The following AUTS2 variants were observed in gnomAD, a reference collection of about 807,000 sequenced individuals.
AUTS2 encodes activator of transcription and developmental regulator AUTS2, also known as autism susceptibility gene 2 protein.
A neutral mutation model predicts 112.4 loss-of-function variants in AUTS2; 17 were observed. The observed-to-expected ratio is 0.15, with a 90% CI of 0.10 to 0.23. The LOEUF (loss-of-function observed/expected upper bound fraction) is 0.23, where lower values mean the gene tolerates loss of function less well. Among genes scored for constraint, AUTS2 ranks in the 10% least tolerant of loss-of-function variants. The pLI is 1.00. For missense variants in AUTS2, 1,510 were observed against 1,701.6 expected, an observed-to-expected ratio of 0.89 and a Z score of 1.98; for synonymous variants, 751 against 702.7, an observed-to-expected ratio of 1.07 and a Z score of -1.09.
chr7:70,524,607 A>C (rs1799768587), intron 5 of AUTS2, among the ~76,000 whole-genome samples: 1 of 152,162 alleles, frequency 6.6e-6, no homozygotes, highest in African/African-American at 2.4e-5. Context: ...TCAGGGAAGT[A>C]CCTCTTGAGT....
At chr7:70,571,939 G>C (rs1021905375) in intron 5 of AUTS2, among the ~76,000 whole-genome samples, 1 of 152,278 alleles carries the variant, frequency 6.6e-6, no homozygotes, top group South Asian at 2.1e-4. Context: ...AGCAGCTTTG[G>C]GGTATTAATG....
intron 2 of AUTS2, among the ~76,000 whole-genome samples, chr7:70,058,696 T>G (rs573458434): frequency 6.6e-6 from 1 of 152,064 alleles, no homozygotes; most frequent in African/African-American, 2.4e-5. Context: ...CAAAATCTTA[T>G]GTCATACTTC....
chr7:70,484,415 G>C (rs537541533), intron 5 of AUTS2, among the ~76,000 whole-genome samples: 1 of 152,314 alleles, frequency 6.6e-6, no homozygotes, highest in South Asian at 2.1e-4. Context: ...GGATTTGTTT[G>C]GAAGAGCACG....
chr7:70,223,983 C>T (rs1035723479), intron 4 of AUTS2, among the ~76,000 whole-genome samples: 6 of 151,860 alleles, frequency 4.0e-5, no homozygotes, highest in Non-Finnish European at 7.4e-5. Flanking sequence ...CCCACATGCA[C>T]CACTGCACCT....
chr7:69,678,612 T>G (rs1042510218), intron 1 of AUTS2, among the ~76,000 whole-genome samples: 1 of 152,204 alleles, frequency 6.6e-6, no homozygotes, highest in Non-Finnish European at 1.5e-5. Context: ...AGAAACTCAA[T>G]TGTGGCCTTT....
chr7:70,269,815 G>A (rs985889559), intron 4 of AUTS2, among the ~76,000 whole-genome samples: 2 of 152,152 alleles, frequency 1.3e-5, no homozygotes, highest in Non-Finnish European at 2.9e-5. Flanking sequence ...TATTCTTAAT[G>A]TTTGAGCCCT....
At chr7:70,061,614 A>G (rs939035293) in intron 2 of AUTS2, among the ~76,000 whole-genome samples, 2 of 152,118 alleles carry the variant, frequency 1.3e-5, no homozygotes, top group African/African-American at 4.8e-5. Context: ...AACATAAATA[A>G]TAAAAGATAC....
intron 4 of AUTS2, among the ~76,000 whole-genome samples, chr7:70,190,675 G>A (rs1207771852): frequency 1.3e-5 from 2 of 152,112 alleles, no homozygotes; most frequent in African/African-American, 4.8e-5. Context: ...GGAGCCTCAG[G>A]TTGCCAATTG....
intron 4 of AUTS2, among the ~76,000 whole-genome samples, chr7:70,374,821 G>A (rs1002787726): frequency 1.3e-5 from 2 of 152,142 alleles, no homozygotes; most frequent in Non-Finnish European, 2.9e-5. Flanking sequence ...CTGGCTTTGA[G>A]GTCAGTGTGT....
intron 4 of AUTS2, among the ~76,000 whole-genome samples, chr7:70,350,208 T>A (rs1031723252): frequency 1.3e-5 from 2 of 152,214 alleles, no homozygotes; most frequent in Non-Finnish European, 2.9e-5. Context: ...AGTTTCATGG[T>A]CCTTGAAGAG....
intron 6 of AUTS2, among the ~76,000 whole-genome samples, chr7:70,741,503 C>G (rs967448671): frequency 6.6e-6 from 1 of 152,058 alleles, no homozygotes; most frequent in Admixed American, 6.5e-5. Flanking sequence ...ACCAGCTTGA[C>G]CAACATGGAG....
chr7:70,394,686 G>T (rs1794007316), intron 4 of AUTS2, among the ~76,000 whole-genome samples: 1 of 152,064 alleles, frequency 6.6e-6, no homozygotes, highest in Non-Finnish European at 1.5e-5. Flanking sequence ...GAGAGAGAGT[G>T]GGGGACAGTT....
intron 5 of AUTS2, among the ~76,000 whole-genome samples, chr7:70,583,154 T>A (rs1355855521): frequency 6.6e-6 from 1 of 152,212 alleles, no homozygotes; most frequent in Non-Finnish European, 1.5e-5. Context: ...TCCAGAAGTG[T>A]TTTACAGGAA....
chr7:70,498,923 G>A (rs1446075954), intron 5 of AUTS2, among the ~76,000 whole-genome samples: 1 of 152,228 alleles, frequency 6.6e-6, no homozygotes, highest in Non-Finnish European at 1.5e-5. Context: ...GCTCAGGGCA[G>A]TGAAGAGACG....
intron 4 of AUTS2, among the ~76,000 whole-genome samples, chr7:70,248,891 T>C (rs987375609): frequency 1.3e-5 from 2 of 152,218 alleles, no homozygotes; most frequent in Non-Finnish European, 2.9e-5. Context: ...GCAGATGATA[T>C]TGTTCAGAAT....
At chr7:70,007,250 C>G (rs1799585096) in intron 2 of AUTS2, among the ~76,000 whole-genome samples, 1 of 152,122 alleles carries the variant, frequency 6.6e-6, no homozygotes. Flanking sequence ...GGGAGCTTAG[C>G]CTTTCTGTCC....
chr7:70,228,179 A>G lies in AUTS2; in HGVS notation c.660+93608A>G, dbSNP rs1584904102. Among the ~76,000 whole-genome samples, 3 of 149,722 alleles carry G rather than the reference A, an allele frequency of 2.0e-5. No homozygotes were observed. In the East Asian group the frequency reaches 5.9e-4, roughly 29 times the overall value. On this transcript the variant is annotated intron_variant, in intron 4 of 18. Transcript: ENST00000342771. The stretch of plus-strand genomic sequence containing the variant: ...TTATAAAATCTCTTTGTCTCTAGTA[A>G]CAGTTTTGCTTTAAAGTCTGTTTTG...
intron 6 of AUTS2, among the ~76,000 whole-genome samples, chr7:70,702,750 C>T (rs1034051877): frequency 2.6e-5 from 4 of 152,136 alleles, no homozygotes; most frequent in Admixed American, 2.0e-4. Flanking sequence ...TGGATAGTCA[C>T]TCACCAAGAA....
intron 5 of AUTS2, among the ~76,000 whole-genome samples, chr7:70,573,522 C>A (rs1000193386): frequency 7.2e-5 from 11 of 152,176 alleles, no homozygotes; most frequent in Admixed American, 2.6e-4. Context: ...GACTTTCACA[C>A]GCTTAATTTA....
Sources: gnomAD v4.1 joint callset for allele counts (sites outside exome capture counted in the v4.1 genomes callset) on GRCh38, gnomAD v4.1.1 for gene constraint, MANE v1.5 for transcripts, NCBI Gene and HGNC (gene_info 2026-07-23, HGNC 2026-07-21) for gene names.